Variants in XXYLT1 observed in about 807,000 individuals in gnomAD.
XXYLT1 encodes the protein xyloside xylosyltransferase 1.
XXYLT1 carries 20 observed loss-of-function variants against 28.9 expected under a neutral mutation model. The observed-to-expected ratio is 0.69, with a 90% confidence interval of 0.49 to 1.00. The LOEUF (loss-of-function observed/expected upper bound fraction) is 1.00, where lower values mean the gene tolerates loss of function less well. Among genes scored for constraint, XXYLT1 ranks in the 50% least tolerant of loss-of-function variants. XXYLT1 has a pLI of 0.00. For synonymous variants in XXYLT1, 257 were observed against 253.8 expected, an observed-to-expected ratio of 1.01 and a Z score of -0.12; for missense variants, 542 against 560.1, an observed-to-expected ratio of 0.97 and a Z score of 0.33.
intron 3 of XXYLT1, among the ~76,000 whole-genome samples, chr3:195,088,231 A>G (rs373667295): frequency 0.033 from 4,826 of 147,286 alleles, 91 homozygotes; most frequent in African/African-American, 0.052. Context: ...CTCTGGGGGC[A>G]GGGCACAGAC....
rs115474720 is a variant in XXYLT1, at chr3:195,150,225, T to A, written c.785+6224A>T. 6.6e-5 allele frequency among the ~76,000 whole-genome samples: 10 copies of A among 152,322 alleles called. No individual in the cohort carries two copies. Among genetic ancestry groups the A allele is most frequent in the African/African-American group, 2.4e-4 (10 of 41,560 alleles). On this transcript the variant is annotated intron_variant, in intron 3 of 3. Transcript: ENST00000310380. The surrounding 1 kb of genome is among the most constrained non-coding windows in gnomAD (Gnocchi z 4.7). The stretch of plus-strand genomic sequence containing the variant: ...TTCAATCTCCCTCAACTCTGCCACA[T>A]ATAGTGTTATAATCTCCATTTCTCA...
chr3:195,173,215 C>G lies in XXYLT1; in HGVS notation c.653-16634G>C, dbSNP rs1420631466. ...ATAGAGCTCTCCCACTAGGGAACCG[C>G]ATCTCCCCTGCATTTTAGGTCCCCT... On this transcript the variant is annotated intron_variant, in intron 2 of 3. Transcript: ENST00000310380. This position sits in a 1 kb window ranked among gnomAD's most constrained non-coding sequence, Gnocchi z 4.3. 1.3e-5 allele frequency among the ~76,000 whole-genome samples: 2 copies of G among 152,242 alleles called. No homozygotes were observed. The highest frequency in any genetic ancestry group is 2.9e-5 in the Non-Finnish European group (2 of 68,044).
At chr3:195,188,461 A>AT (rs1184040404) in intron 2 of XXYLT1, among the ~76,000 whole-genome samples, 2 of 152,246 alleles carry the variant, frequency 1.3e-5, no homozygotes, top group African/African-American at 4.8e-5. Flanking sequence ...CTTAATTTGC[A>AT]TATAATTAAA....
rs776873380 is a variant in XXYLT1, at chr3:195,070,123, G to C, written c.786-12C>G. ...GCCAGAATGTGTGCCTGTGGAGAGAGAGGACAGAGTTAGTCCGGTGTGCAG... is the reference window on the plus strand; with the variant it reads ...GCCAGAATGTGTGCCTGTGGAGAGACAGGACAGAGTTAGTCCGGTGTGCAG... On this transcript the variant is annotated splice_polypyrimidine_tract_variant and intron_variant, in intron 3 of 3. Coordinates refer to ENST00000310380, the MANE Select transcript of XXYLT1 (RefSeq NM_152531.5). 2 of 1,546,114 alleles carry C rather than the reference G, an allele frequency of 1.3e-6. No individual in the cohort carries two copies. The highest frequency in any genetic ancestry group is 8.7e-7 in the Non-Finnish European group (1 of 1,153,344).
chr3:195,170,982 G>A (rs1478651283), intron 2 of XXYLT1, among the ~76,000 whole-genome samples: 1 of 152,192 alleles, frequency 6.6e-6, no homozygotes, highest in African/African-American at 2.4e-5. Context: ...TGTCCAGGGA[G>A]GTAAACTGAG....
intron 1 of XXYLT1, among the ~76,000 whole-genome samples, chr3:195,232,137 T>C (rs1023482008): frequency 2.6e-5 from 4 of 152,172 alleles, no homozygotes; most frequent in African/African-American, 7.2e-5. Flanking sequence ...TAGAAACTTA[T>C]CCATTTCTTC....
In XXYLT1 at chr3:195,123,190, A is replaced by AAAAAAAAAAC. The variant is rs1055859949; in HGVS notation, c.785+33258_785+33259insGTTTTTTTTT. Among the ~76,000 whole-genome samples, 906 of 152,008 alleles carry AAAAAAAAAAC rather than the reference A, an allele frequency of 6.0e-3. 9 individuals carry two copies. Among genetic ancestry groups the AAAAAAAAAAC allele is most frequent in the African/African-American group, 0.02 (837 of 41,368 alleles). On this transcript the variant is annotated intron_variant, in intron 3 of 3. Transcript: ENST00000310380. ...AAGCCTCTAATTTACCAAAAAAAAA[A>AAAAAAAAAAC]ACCCTACATTTTTTTCCTGAATGGC...
chr3:195,266,223 C>T (rs1298126097), intron 1 of XXYLT1, among the ~76,000 whole-genome samples: 2 of 152,080 alleles, frequency 1.3e-5, no homozygotes, highest in East Asian at 1.9e-4. Context: ...TGGCCGGGTG[C>T]GGTGGCTCAC....
chr3:195,152,577 T>G (rs756371577), intron 3 of XXYLT1: 1 of 152,066 alleles, frequency 6.6e-6, no homozygotes, highest in African/African-American at 2.4e-5. Context: ...ACAGAAAATA[T>G]AAAAATCTGG....
At chr3:195,202,404 C>CAAAAAAA (rs552172950) in intron 2 of XXYLT1, among the ~76,000 whole-genome samples, 1 of 56,100 alleles carries the variant, frequency 1.8e-5, no homozygotes, top group South Asian at 7.1e-4. Context: ...GGTCCCTGGC[C>CAAAAAAA]AAAAAAAAAA....
chr3:195,109,871 AT>A (rs1717413189), intron 3 of XXYLT1, among the ~76,000 whole-genome samples: 1 of 29,650 alleles, frequency 3.4e-5, no homozygotes, highest in African/African-American at 9.3e-5. Context: ...TGTGTGGTGT[AT>A]GTGTGCATGT....
At chr3:195,260,815 G>A (rs1725674207) in intron 1 of XXYLT1, among the ~76,000 whole-genome samples, 1 of 152,208 alleles carries the variant, frequency 6.6e-6, no homozygotes, top group South Asian at 2.1e-4. Flanking sequence ...CTTCCTTCCT[G>A]TTCCGATGTT....
chr3:195,178,521 T>C (rs1359837518), intron 2 of XXYLT1, among the ~76,000 whole-genome samples: 4 of 152,148 alleles, frequency 2.6e-5, no homozygotes, highest in East Asian at 1.9e-4. Flanking sequence ...GCAAACTCAG[T>C]GTCTCCAGCA....
chr3:195,181,422 C>A (rs989339797), intron 2 of XXYLT1, among the ~76,000 whole-genome samples: 1 of 152,156 alleles, frequency 6.6e-6, no homozygotes, highest in African/African-American at 2.4e-5. Flanking sequence ...GTTTTTTCAC[C>A]TTTGTGTCAT....
At chr3:195,250,388 C>T (rs1725202854) in intron 1 of XXYLT1, among the ~76,000 whole-genome samples, 1 of 152,144 alleles carries the variant, frequency 6.6e-6, no homozygotes. Flanking sequence ...CGTGGTGAAA[C>T]CCCGTCTCTA....
chr3:195,070,857 T>C (rs569376067), intron 3 of XXYLT1, among the ~76,000 whole-genome samples: 7,866 of 152,282 alleles, frequency 0.052, 310 homozygotes, highest in East Asian at 0.19. Flanking sequence ...TAGGATGATG[T>C]CTACTTTAGA....
intron 2 of XXYLT1, among the ~76,000 whole-genome samples, chr3:195,223,486 A>T (rs894677186): frequency 6.6e-6 from 1 of 152,234 alleles, no homozygotes; most frequent in Admixed American, 6.5e-5. Context: ...AATGCTATGA[A>T]AGAAACAGAA....
At chr3:195,199,790 G>A (rs1722775927) in intron 2 of XXYLT1, among the ~76,000 whole-genome samples, 1 of 152,172 alleles carries the variant, frequency 6.6e-6, no homozygotes, top group Non-Finnish European at 1.5e-5. Context: ...TTGGGCCTTA[G>A]ATAAGTCCTT....
chr3:195,157,401 T>C (rs76225889), intron 2 of XXYLT1, among the ~76,000 whole-genome samples: 3 of 152,130 alleles, frequency 2.0e-5, no homozygotes, highest in Non-Finnish European at 2.9e-5. Context: ...CAAGTGAAGA[T>C]GCTGACCAGA....
Sources: gnomAD v4.1 joint callset for allele counts (sites outside exome capture counted in the v4.1 genomes callset) on GRCh38, gnomAD v4.1.1 for gene constraint, Gnocchi (gnomAD v3.1) non-coding constraint, MANE v1.5 for transcripts, NCBI Gene and HGNC (gene_info 2026-07-23, HGNC 2026-07-21) for gene names.